Variants in PCNX1 observed in about 807,000 individuals in gnomAD.
PCNX1 encodes pecanex-like protein 1.
Under a neutral mutation model 242.2 loss-of-function variants are expected in PCNX1, and 78 were observed. That is an observed-to-expected ratio of 0.32 (90% CI 0.27 to 0.39). PCNX1 has a LOEUF of 0.39. PCNX1 is among the 10% of genes least tolerant of loss of function. The pLI is 1.00. For synonymous variants in PCNX1, 1,024 were observed against 1,032.9 expected (o/e 0.99, Z 0.17); for missense variants, 2,581 against 2,856.5 (o/e 0.90, Z 2.20).
intron 33 of PCNX1, among the ~76,000 whole-genome samples, chr14:71,106,358 T>C (rs186204160): frequency 1.3e-5 from 2 of 152,328 alleles, no homozygotes; most frequent in Admixed American, 6.5e-5. Flanking sequence ...TTAACTATTA[T>C]AATTAACTTC....
At chr14:70,933,544 T>C (rs2056883944) in intron 1 of PCNX1, among the ~76,000 whole-genome samples, 1 of 152,248 alleles carries the variant, frequency 6.6e-6, no homozygotes, top group Non-Finnish European at 1.5e-5. Context: ...TGTTTATATA[T>C]CTATGGCTTC....
At chr14:70,908,047 C>T (rs756828258) in intron 1 of PCNX1, 44 bp downstream of exon 1, 5 of 1,512,554 alleles carry the variant, frequency 3.3e-6, no homozygotes, top group East Asian at 2.7e-5. Flanking sequence ...CCCCGCGAGC[C>T]GGTGGGGAGA....
chr14:70,983,761 CATTT>C (rs2058915682), intron 6 of PCNX1, among the ~76,000 whole-genome samples: 1 of 151,418 alleles, frequency 6.6e-6, no homozygotes, highest in African/African-American at 2.4e-5. Flanking sequence ...CACTTAAAAA[CATTT>C]ATTTATTTAC....
intron 2 of PCNX1, among the ~76,000 whole-genome samples, chr14:70,952,428 G>A (rs2057821205): frequency 6.6e-6 from 1 of 151,926 alleles, no homozygotes; most frequent in African/African-American, 2.4e-5. Flanking sequence ...TTCCCTTCAG[G>A]AGTAACCATA....
chr14:71,029,364 T>C (rs1010126753), intron 16 of PCNX1, among the ~76,000 whole-genome samples: 3 of 152,206 alleles, frequency 2.0e-5, no homozygotes, highest in Non-Finnish European at 4.4e-5. Flanking sequence ...TTTTGTTTTT[T>C]GTTTGGCGAC....
intron 22 of PCNX1, chr14:71,048,852 A>T (rs2060941807): frequency 6.2e-6 from 1 of 161,746 alleles, no homozygotes; most frequent in Non-Finnish European, 1.3e-5. Context: ...GGGAACAGTA[A>T]AAATGGAAAG....
intron 1 of PCNX1, among the ~76,000 whole-genome samples, chr14:70,939,662 G>C (rs890014278): frequency 1.3e-5 from 2 of 152,196 alleles, no homozygotes; most frequent in African/African-American, 4.8e-5. Context: ...TTGGTGCAGA[G>C]CTGAGTTCAA....
At chr14:70,997,313 A>G (rs1315050878) in intron 8 of PCNX1, among the ~76,000 whole-genome samples, 1 of 152,176 alleles carries the variant, frequency 6.6e-6, no homozygotes, top group African/African-American at 2.4e-5. Flanking sequence ...CATTGGCTTT[A>G]TAGTAGTAGA....
Position 70,977,051 on chromosome 14 carries a change from C to T in PCNX1, c.714C>T (p.Asp238=), listed in dbSNP as rs765716159. The T allele has an allele frequency of 2.5e-6, 4 of 1,614,036 alleles. No individual in the cohort carries two copies. The highest frequency in any genetic ancestry group is 1.3e-5 in the African/African-American group (1 of 74,900). ...CGQDLPRDFS[D]KVNLPSHNHH... is the part of the protein sequence containing the mutation. ...AGGACTTGCCAAGGGACTTCAGTGA[C>T]AAAGTGAACCTGCCAAGTCATAACC... The change falls in exon 6 of 36, where the codon GAC becomes GAT. Residue 238 remains aspartate, a synonymous_variant. Transcript: ENST00000304743.
In PCNX1 at chr14:71,110,180, A is replaced by G; in HGVS notation, c.*245A>G. 1 of 544,340 alleles carries G rather than the reference A, an allele frequency of 1.8e-6. No individual in the cohort carries two copies. Among genetic ancestry groups the G allele is most frequent in the Admixed American group, 2.9e-5 (1 of 34,026 alleles). 33.7% of individuals were successfully genotyped at this position (544,340 alleles called of 1,614,324 possible). ...GCTGCCGAGAAAACATTTTGCATGA[A>G]GGATAAAGTTCTGTTAAAATACATC... On this transcript the variant is annotated 3_prime_UTR_variant, in exon 36 of 36. Coordinates refer to ENST00000304743, the MANE Select transcript of PCNX1 (RefSeq NM_014982.3).
At chr14:70,945,427 T>TA (rs1452461944) in intron 1 of PCNX1, among the ~76,000 whole-genome samples, 2 of 151,790 alleles carry the variant, frequency 1.3e-5, no homozygotes, top group African/African-American at 4.9e-5. Flanking sequence ...GATACATTAA[T>TA]ATGCAGGACT....
chr14:70,941,826 A>G (rs2057259071), intron 1 of PCNX1, among the ~76,000 whole-genome samples: 1 of 152,116 alleles, frequency 6.6e-6, no homozygotes, highest in African/African-American at 2.4e-5. Flanking sequence ...AAACCTCAGC[A>G]ATGGCGGACG....
Position 71,013,140 on chromosome 14 carries a change from C to T in PCNX1, c.2934C>T (p.Ile978=), listed in dbSNP as rs1403776175. 3 of 1,613,998 alleles carry T rather than the reference C, an allele frequency of 1.9e-6. No homozygotes were observed. The highest frequency in any genetic ancestry group is 2.2e-5 in the East Asian group (1 of 44,882). Residue 978 remains isoleucine (I), a synonymous_variant, in exon 11 of 36, where the codon ATC becomes ATT. Transcript: ENST00000304743. ...QKVKHYYRFW[I]LPQLWIGINF... ...TTAAACACTATTATCGCTTTTGGATCCTACCCCAGCTGTGGATTGGCATTA... is the reference window on the plus strand; with the variant it reads ...TTAAACACTATTATCGCTTTTGGATTCTACCCCAGCTGTGGATTGGCATTA...
At chr14:70,932,000 G>A (rs983104947) in intron 1 of PCNX1, among the ~76,000 whole-genome samples, 1 of 152,218 alleles carries the variant, frequency 6.6e-6, no homozygotes, top group South Asian at 2.1e-4. Flanking sequence ...GCACATACCT[G>A]TTATCTGTCG....
rs1413465039 is a variant in PCNX1 at position 70,919,922 on chromosome 14, T to C, written c.153+11919T>C. Among the ~76,000 whole-genome samples, 6 of 152,058 alleles carry C rather than the reference T, an allele frequency of 3.9e-5. No homozygotes were observed. The South Asian group carries it at 1.2e-3, about 32-fold the overall frequency. ...TGAGGTTTTAAGGGGGAAAAAAAAG[T>C]TGCATTCTGTAGAGCTTTGAACGAG... On this transcript the variant is annotated intron_variant, in intron 1 of 35. Transcript: ENST00000304743.
intron 35 of PCNX1, 62 bp from the exon 36 acceptor site, chr14:71,109,733 A>G: frequency 6.3e-7 from 1 of 1,583,072 alleles, no homozygotes; most frequent in Non-Finnish European, 8.7e-7. Flanking sequence ...GGTAGGGGTA[A>G]GAGTTTGTGA....
chr14:71,047,643 A>C (rs1424625219), intron 21 of PCNX1, among the ~76,000 whole-genome samples, 164 bp from the exon 22 acceptor site: 1 of 152,172 alleles, frequency 6.6e-6, no homozygotes, highest in African/African-American at 2.4e-5. Context: ...ATAGTCAGAT[A>C]CTTTCAGGAT....
intron 15 of PCNX1, 111 bp from the exon 16 acceptor site, chr14:71,028,589 G>C: frequency 3.2e-6 from 2 of 623,704 alleles, no homozygotes; most frequent in Non-Finnish European, 5.5e-6. Context: ...CAGATTAGTA[G>C]ATATTTAATG....
At chr14:71,050,306 A>G (rs184083462) in intron 22 of PCNX1, among the ~76,000 whole-genome samples, 8 of 152,158 alleles carry the variant, frequency 5.3e-5, no homozygotes, top group African/African-American at 1.9e-4. Flanking sequence ...ATATCTCCCA[A>G]TGTTTTTTTC....
Sources: allele counts gnomAD v4.1 joint callset (sites outside exome capture counted in the v4.1 genomes callset), GRCh38; gene constraint gnomAD v4.1.1; transcripts MANE v1.5; gene names NCBI Gene and HGNC (gene_info 2026-07-23, HGNC 2026-07-21).